CFAP46: variants seen among roughly 807,000 people sequenced by gnomAD.
CFAP46 encodes the protein cilia and flagella associated protein 46.
CFAP46 carries 245 observed loss-of-function variants against 325.7 expected under a neutral mutation model. That is an observed-to-expected ratio of 0.75 (90% CI 0.68 to 0.84). The LOEUF (loss-of-function observed/expected upper bound fraction) is 0.84. Among genes scored for constraint, CFAP46 ranks in the 40% least tolerant of loss-of-function variants. The pLI is 0.00. For synonymous variants in CFAP46, 1,523 were observed against 1,495.9 expected (o/e 1.02, Z -0.42); for missense variants, 3,346 against 3,543.0 (o/e 0.94, Z 1.41).
At chr10:132,848,197 G>C (rs546104917) in intron 41 of CFAP46, among the ~76,000 whole-genome samples, 2 of 152,306 alleles carry the variant, frequency 1.3e-5, no homozygotes, top group South Asian at 2.1e-4. Flanking sequence ...AGACCCGTGA[G>C]AAACAGTCGC....
chr10:132,922,040 G>A, intron 13 of CFAP46, 64 bp downstream of exon 13: 1 of 1,510,618 alleles, frequency 6.6e-7, no homozygotes, highest in South Asian at 1.2e-5. Flanking sequence ...GAGGCCCCGG[G>A]GCAGCCTGGG....
chr10:132,899,059 G>A lies in CFAP46; in HGVS notation c.3119C>T (p.Ala1040Val), dbSNP rs1474288995. ...GGCTGAGGACAGCAGTGGGAGCCAG[G>A]CGTTCCAGTAATGCCGCGCGGCCAG... ...VMLAARHYWN[A>V]WLPLLSSAVY... The change falls in exon 24 of 58, where the codon GCC becomes GTC. Residue 1040 changes from alanine to valine, a missense_variant. Transcript: ENST00000368586. 7 of 1,550,482 alleles carry A rather than the reference G, an allele frequency of 4.5e-6. No individual in the cohort carries two copies. The Admixed American group carries it at 9.8e-5, about 22-fold the overall frequency.
chr10:132,922,227 G>C lies in CFAP46; in HGVS notation c.1486-3C>G, dbSNP rs1849735290. The C allele has an allele frequency of 6.5e-7, 1 of 1,548,480 alleles. No individual in the cohort carries two copies. The highest frequency in any genetic ancestry group is 8.7e-7 in the Non-Finnish European group (1 of 1,145,546). ...TCCTTTGGTGTAGCTTTTTTTGCCT[G>C]TGAAAAGCAGAGACTGATGAGCAAG... On this transcript the variant is annotated splice_region_variant and splice_polypyrimidine_tract_variant and intron_variant, in intron 12 of 57. Coordinates refer to ENST00000368586, the MANE Select transcript of CFAP46 (RefSeq NM_001200049.3).
Position 132,878,413 on chromosome 10 carries a change from C to A in CFAP46, c.4006-326G>T, listed in dbSNP as rs970055493. On this transcript the variant is annotated intron_variant, in intron 29 of 57. Transcript: ENST00000368586. ...CTCCCTGCTGGCCATCCCGCACTCT[C>A]CCTGCAGCGGCCCTTGTTGGGGATG... is the stretch of plus-strand genomic sequence containing the variant. Among the ~76,000 whole-genome samples the A allele has an allele frequency of 2.6e-5, 4 of 152,126 alleles. No individual in the cohort carries two copies. In the East Asian group the frequency reaches 7.7e-4, roughly 29 times the overall value.
rs954976005 is a variant in CFAP46 at position 132,857,881 on chromosome 10, A to T, written c.5376-93T>A. 1.2e-5 allele frequency: 13 copies of T among 1,109,418 alleles called. No individual in the cohort carries two copies. The African/African-American group carries it at 1.9e-4, about 16-fold the overall frequency. The allele number at this position is 1,109,418 out of a possible 1,614,324, so 68.7% of individuals were successfully genotyped here. A position where few individuals can be genotyped will look rare whatever the true frequency, so the allele number is the denominator to read the frequency against. On this transcript the variant is annotated intron_variant, in intron 38 of 57. Transcript: ENST00000368586. ...TTTCTATCATACTGTATATTTTATT[A>T]GTGCTTAAAATGATGTTTTAAAATA...
At chr10:132,873,797 C>T (rs972685788) in intron 31 of CFAP46, among the ~76,000 whole-genome samples, 1 of 151,970 alleles carries the variant, frequency 6.6e-6, no homozygotes, top group Non-Finnish European at 1.5e-5. Context: ...GGAGAGCGAG[C>T]GAGGGGTGAC....
chr10:132,890,534 C>T (rs565215155), intron 25 of CFAP46, among the ~76,000 whole-genome samples: 5 of 152,242 alleles, frequency 3.3e-5, no homozygotes, highest in Non-Finnish European at 7.4e-5. Flanking sequence ...GCAACCAGTG[C>T]GGAGTCCCCC....
intron 50 of CFAP46, among the ~76,000 whole-genome samples, chr10:132,824,317 C>G (rs1203204802): frequency 9.2e-6 from 1 of 109,000 alleles, no homozygotes; most frequent in Non-Finnish European, 1.8e-5. Context: ...TGTGTGTGCA[C>G]TGATGTGTGC....
Position 132,859,335 on chromosome 10 carries a change from G to A in CFAP46, c.5199-88C>T, listed in dbSNP as rs1848692699. ...CTGGGCTGCCGCTGTTCTCCCCGGT[G>A]TTCATCCAGGGATGCTCGGAGAAAC... On this transcript the variant is annotated intron_variant, in intron 37 of 57. Transcript: ENST00000368586. 1.6e-5 allele frequency: 19 copies of A among 1,181,474 alleles called. No individual in the cohort carries two copies. The South Asian group carries it at 2.9e-4, about 18-fold the overall frequency. The allele number at this position is 1,181,474 out of a possible 1,614,324, so 73.2% of individuals were successfully genotyped here.
At chr10:132,838,126 C>T (rs1386125670) in intron 44 of CFAP46, among the ~76,000 whole-genome samples, 1 of 152,212 alleles carries the variant, frequency 6.6e-6, no homozygotes, top group African/African-American at 2.4e-5. Flanking sequence ...CCGGCCCGTC[C>T]GCTCCCGTGG....
At position 132,939,848 on chromosome 10, in the gene CFAP46, C is replaced by T. The variant is rs1459846284; in HGVS notation, c.372-1095G>A. Among the ~76,000 whole-genome samples, 4 of 152,272 alleles carry T rather than the reference C, an allele frequency of 2.6e-5. No homozygotes were observed. The highest frequency in any genetic ancestry group is 7.2e-5 in the African/African-American group (3 of 41,546). On this transcript the variant is annotated intron_variant, in intron 4 of 57. Coordinates refer to ENST00000368586, the MANE Select transcript of CFAP46 (RefSeq NM_001200049.3). This position sits in a 1 kb window ranked among gnomAD's most constrained non-coding sequence, Gnocchi z 4.6. Reference sequence around the variant, plus strand: ...ATTCCCACTGTGGCCTCCACATGCCCGTGGTTGGGCTCACAGTCTCCTGTC... The same window carrying T: ...ATTCCCACTGTGGCCTCCACATGCCTGTGGTTGGGCTCACAGTCTCCTGTC...
chr10:132,824,098 CGG>C (rs1847970711), intron 50 of CFAP46, among the ~76,000 whole-genome samples: 2 of 94,864 alleles, frequency 2.1e-5, no homozygotes, highest in Non-Finnish European at 4.0e-5. Context: ...GCTGTGTGTG[CGG>C]TGATGTGTGC....
At chr10:132,823,376 CTG>C (rs1446591383) in intron 50 of CFAP46, among the ~76,000 whole-genome samples, 1 of 113,228 alleles carries the variant, frequency 8.8e-6, no homozygotes, top group African/African-American at 3.6e-5. Flanking sequence ...GTGCTGTGTG[CTG>C]TGTGTGCACT....
intron 22 of CFAP46, among the ~76,000 whole-genome samples, chr10:132,902,679 C>A (rs1162729470): frequency 1.3e-5 from 2 of 152,200 alleles, no homozygotes; most frequent in Non-Finnish European, 2.9e-5. Context: ...CATTTTCTTG[C>A]TTTTGCACAC....
At chr10:132,880,551 C>T (rs1414647146) in intron 28 of CFAP46, among the ~76,000 whole-genome samples, 1 of 152,244 alleles carries the variant, frequency 6.6e-6, no homozygotes, top group African/African-American at 2.4e-5. Context: ...CAGCTGTGTG[C>T]CCGAGAACAT....
Position 132,866,170 on chromosome 10 carries a change from A to T in CFAP46, c.4745T>A (p.Ile1582Asn). 6.6e-7 allele frequency: 1 copy of T among 1,520,408 alleles called. No individual in the cohort carries two copies. Among genetic ancestry groups the T allele is most frequent in the Non-Finnish European group, 8.8e-7 (1 of 1,132,398 alleles). The allele number at this position is 1,520,408 out of a possible 1,614,324, so 94.2% of individuals were successfully genotyped here. A position where few individuals can be genotyped will look rare whatever the true frequency, so the allele number is the denominator to read the frequency against. Residue 1582 changes from isoleucine to asparagine, a missense_variant and splice_region_variant, in exon 35 of 58, where the codon ATT becomes AAT. Physicochemically the swap from Ile to Asn is moderately radical, Grantham distance 149. Coordinates refer to ENST00000368586, the MANE Select transcript of CFAP46 (RefSeq NM_001200049.3). ...EIKPLDAKDK[I>N]LKMNGETGRD... ...CCCGGTCTCCCCATTCATCTTCAAA[A>T]TCTGTAAGATACCGCAGCCCCAGGC...
At chr10:132,822,798 T>A (rs1299639600) in intron 50 of CFAP46, among the ~76,000 whole-genome samples, 69 of 135,964 alleles carry the variant, frequency 5.1e-4, no homozygotes, top group Non-Finnish European at 6.9e-4. Context: ...GTGCTGTGTG[T>A]GTGCTGATGT....
intron 49 of CFAP46, 41 bp downstream of exon 49, chr10:132,834,000 A>C: frequency 6.3e-7 from 1 of 1,585,998 alleles, no homozygotes; most frequent in Non-Finnish European, 8.6e-7. Flanking sequence ...TTCTGGCGGG[A>C]TGAGCTCCCC....
intron 50 of CFAP46, among the ~76,000 whole-genome samples, chr10:132,829,483 T>A (rs1279216806): frequency 1.3e-5 from 2 of 152,262 alleles, no homozygotes; most frequent in Non-Finnish European, 2.9e-5. Flanking sequence ...ACACAGATGA[T>A]GAGACCACCT....
Sources: allele counts gnomAD v4.1 joint callset (sites outside exome capture counted in the v4.1 genomes callset), GRCh38; gene constraint gnomAD v4.1.1; non-coding constraint Gnocchi (gnomAD v3.1); transcripts MANE v1.5; gene names NCBI Gene and HGNC (gene_info 2026-07-23, HGNC 2026-07-21).